The following PKD2L2 variants were observed in gnomAD, a reference collection of about 807,000 sequenced individuals.
The protein encoded by PKD2L2 is polycystin 2 like 2, transient receptor potential cation channel.
A neutral mutation model predicts 83.9 loss-of-function variants in PKD2L2; 67 were observed. The observed-to-expected ratio is 0.80, with a 90% CI of 0.66 to 0.98. The LOEUF (loss-of-function observed/expected upper bound fraction) is 0.98. Among genes scored for constraint, PKD2L2 ranks in the 50% least tolerant of loss-of-function variants. The pLI, the probability that PKD2L2 is intolerant of heterozygous loss-of-function variation, is 0.00. For missense variants in PKD2L2, 632 were observed against 717.2 expected (o/e 0.88, Z 1.36); for synonymous variants, 223 against 237.8 (o/e 0.94, Z 0.57).
At chr5:137,908,258 G>C (rs1326584542) in intron 7 of PKD2L2, among the ~76,000 whole-genome samples, 7 of 151,956 alleles carry the variant, frequency 4.6e-5, no homozygotes, top group Non-Finnish European at 1.0e-4. Context: ...ACAGTGAGCT[G>C]TAATCCCCCA....
intron 14 of PKD2L2, chr5:137,940,243 A>G (rs772800290): frequency 6.2e-7 from 1 of 1,613,992 alleles, no homozygotes; most frequent in Non-Finnish European, 8.5e-7. Context: ...ATTTTGAAGA[A>G]TCTTGTTTGC....
intron 12 of PKD2L2, among the ~76,000 whole-genome samples, chr5:137,928,804 G>A (rs904739827): frequency 7.2e-5 from 11 of 152,030 alleles, no homozygotes; most frequent in African/African-American, 2.7e-4. Flanking sequence ...TTCTGGCCTT[G>A]AGCGATCCTC....
intron 8 of PKD2L2, among the ~76,000 whole-genome samples, chr5:137,916,154 G>A (rs1011097417): frequency 6.6e-6 from 1 of 151,728 alleles, no homozygotes; most frequent in Non-Finnish European, 1.5e-5. Flanking sequence ...ACAGGCATGA[G>A]TCATCATGCC....
At chr5:137,929,054 A>C (rs2150055430) in intron 12 of PKD2L2, among the ~76,000 whole-genome samples, 1 of 152,324 alleles carries the variant, frequency 6.6e-6, no homozygotes, top group South Asian at 2.1e-4. Flanking sequence ...ACATTATTGA[A>C]TATAATTGGG....
At chr5:137,921,560 A>G (rs1561698171) in intron 8 of PKD2L2, 76 bp from the exon 9 acceptor site, 37 of 875,454 alleles carry the variant, frequency 4.2e-5, no homozygotes, top group Non-Finnish European at 3.1e-5. Flanking sequence ...ATCCTCTTAG[A>G]GACATTAGTA....
chr5:137,894,356 A>G lies in PKD2L2; in HGVS notation c.271A>G (p.Met91Val). 1 of 1,597,616 alleles carries G rather than the reference A, an allele frequency of 6.3e-7. No individual in the cohort carries two copies. The highest frequency in any genetic ancestry group is 8.5e-7 in the Non-Finnish European group (1 of 1,176,382). ...ACATTTGTTTTTCTCTGTGGAGTTT[A>G]TGGAAGGACCCCTTTTGGAAGGTCT... ...IRSITDFWKFMEGPLLEGLYW... is the reference protein window; with the variant it reads ...IRSITDFWKFVEGPLLEGLYW... The change falls in exon 4 of 15, where the codon ATG becomes GTG. Residue 91 changes from methionine to valine, a missense_variant. By Grantham distance (21) the Met-to-Val change is conservative. Coordinates refer to ENST00000508883, the MANE Select transcript of PKD2L2 (RefSeq NM_001300921.2).
intron 7 of PKD2L2, 106 bp from the exon 8 acceptor site, chr5:137,908,659 T>G (rs1757560036): frequency 1.6e-6 from 1 of 613,036 alleles, no homozygotes; most frequent in Non-Finnish European, 2.7e-6. Flanking sequence ...ATGATTATCA[T>G]TAAATATCTC....
intron 5 of PKD2L2, among the ~76,000 whole-genome samples, chr5:137,903,347 G>T (rs1186073982): frequency 6.6e-6 from 1 of 152,152 alleles, no homozygotes; most frequent in Non-Finnish European, 1.5e-5. Context: ...CAGCATCAAG[G>T]GCTGGGGCAG....
chr5:137,897,026 CATT>C (rs1250943359), intron 4 of PKD2L2, among the ~76,000 whole-genome samples: 17 of 120,458 alleles, frequency 1.4e-4, no homozygotes, highest in African/African-American at 3.0e-4. Context: ...TATGATGATA[CATT>C]ATTATATTAT....
intron 8 of PKD2L2, among the ~76,000 whole-genome samples, chr5:137,913,180 TTTTC>T (rs1425953318): frequency 8.5e-5 from 11 of 129,154 alleles, no homozygotes; most frequent in East Asian, 2.0e-4. Context: ...CAGCCTTCTT[TTTTC>T]TTTTTTTTTT....
At chr5:137,913,515 G>A (rs1758045181) in intron 8 of PKD2L2, among the ~76,000 whole-genome samples, 1 of 140,130 alleles carries the variant, frequency 7.1e-6, no homozygotes, top group Non-Finnish European at 1.5e-5. Context: ...TTGGGATGGA[G>A]TCTCACTCTG....
intron 14 of PKD2L2, among the ~76,000 whole-genome samples, chr5:137,940,984 C>A (rs1356120964): frequency 2.6e-5 from 4 of 152,212 alleles, no homozygotes; most frequent in African/African-American, 9.6e-5. Flanking sequence ...CAGCTCGCTG[C>A]AAGCTCCGCC....
chr5:137,917,139 T>C (rs1047376768), intron 8 of PKD2L2, among the ~76,000 whole-genome samples: 5 of 150,606 alleles, frequency 3.3e-5, no homozygotes, highest in Non-Finnish European at 7.4e-5. Flanking sequence ...GTCCTGCAGG[T>C]CTCTTGGTAT....
intron 4 of PKD2L2, among the ~76,000 whole-genome samples, chr5:137,896,437 A>T (rs1292078546): frequency 1.3e-5 from 2 of 151,862 alleles, no homozygotes; most frequent in African/African-American, 4.8e-5. Context: ...TAGGGGCAGG[A>T]TCTCACTCTC....
chr5:137,912,755 A>C (rs1405680102), intron 8 of PKD2L2, among the ~76,000 whole-genome samples: 2 of 136,882 alleles, frequency 1.5e-5, no homozygotes, highest in African/African-American at 5.4e-5. Flanking sequence ...AGAAATGTCT[A>C]TTCAGGTCCT....
chr5:137,930,664 T>TAAAAAAA (rs554720958), intron 12 of PKD2L2, among the ~76,000 whole-genome samples: 1 of 84,682 alleles, frequency 1.2e-5, no homozygotes, highest in African/African-American at 4.5e-5. Flanking sequence ...AGACTCCATC[T>TAAAAAAA]AAAAAAAAAA....
At chr5:137,894,712 G>A (rs1756287008) in intron 4 of PKD2L2, 103 bp downstream of exon 4, 8 of 827,396 alleles carry the variant, frequency 9.7e-6, no homozygotes, top group Non-Finnish European at 1.3e-5. Context: ...GGAAGGGTAA[G>A]GAAACTGTTT....
At chr5:137,931,468 C>T (rs754625199) in intron 12 of PKD2L2, among the ~76,000 whole-genome samples, 17 of 152,050 alleles carry the variant, frequency 1.1e-4, no homozygotes, top group Non-Finnish European at 2.2e-4. Flanking sequence ...TCTAACAGCA[C>T]ACAATAATAT....
At position 137,892,587 on chromosome 5, in the gene PKD2L2, A is replaced by G; in HGVS notation, c.241A>G (p.Ile81Val). ...PGEERTNFKS[I>V]RSITDFWKFM... ...TGAAGAAAGAACCAACTTTAAGTCC[A>G]TTCGCAGCATAACTGATTTTTGGAA... The change falls in exon 3 of 15, where the codon ATT becomes GTT. Residue 81 changes from isoleucine to valine, a missense_variant. By Grantham distance (29) the Ile-to-Val change is conservative (BLOSUM62 3). This residue lies in a region of PKD2L2 where 229 missense variants were observed against 281.5 expected (regional missense o/e 0.81). Coordinates refer to ENST00000508883, the MANE Select transcript of PKD2L2 (RefSeq NM_001300921.2). 1 of 1,611,684 alleles carries G rather than the reference A, an allele frequency of 6.2e-7. No individual in the cohort carries two copies. Among genetic ancestry groups the G allele is most frequent in the Non-Finnish European group, 8.5e-7 (1 of 1,179,240 alleles).
Sources: gnomAD v4.1 joint callset for allele counts (sites outside exome capture counted in the v4.1 genomes callset) on GRCh38, gnomAD v4.1.1 for gene constraint, gnomAD v4.1.1 regional missense constraint, MANE v1.5 for transcripts, NCBI Gene and HGNC (gene_info 2026-07-23, HGNC 2026-07-21) for gene names.